The following IQSEC1 variants were observed in gnomAD, a reference collection of about 807,000 sequenced individuals.
IQSEC1 encodes the protein IQ motif and SEC7 domain-containing protein 1.
IQSEC1 carries 31 observed loss-of-function variants against 91.0 expected under a neutral mutation model. The observed-to-expected ratio is 0.34, with a 90% CI of 0.26 to 0.46. The LOEUF (loss-of-function observed/expected upper bound fraction) is 0.46, where lower values mean the gene tolerates loss of function less well. Among genes scored for constraint, IQSEC1 ranks in the 20% least tolerant of loss-of-function variants. IQSEC1 has a pLI of 1.00. For synonymous variants in IQSEC1, 699 were observed against 662.6 expected, an observed-to-expected ratio of 1.05 and a Z score of -0.84; for missense variants, 1,388 against 1,575.6, an observed-to-expected ratio of 0.88 and a Z score of 2.02.
At chr3:13,270,147 A>G (rs1032666379) in intron 1 of IQSEC1, among the ~76,000 whole-genome samples, 1 of 152,226 alleles carries the variant, frequency 6.6e-6, no homozygotes, top group Non-Finnish European at 1.5e-5. Flanking sequence ...GCTGAATACC[A>G]CTGAGTATTC....
Position 12,902,835 on chromosome 3 carries a change from T to TG in IQSEC1, c.2756-14dup, listed in dbSNP as rs748013463. The TG allele has an allele frequency of 6.8e-6, 11 of 1,608,770 alleles. No homozygotes were observed. The Admixed American group carries it at 1.7e-4, about 24-fold the overall frequency. ...CGCCCTCGCTTCCCTGCCCAGAACA[T>TG]GCAATACCAGAAGTTAGACGCGGAC... On this transcript the variant is annotated splice_polypyrimidine_tract_variant and intron_variant, in intron 12 of 13. Coordinates refer to ENST00000613206, the MANE Select transcript of IQSEC1 (RefSeq NM_001134382.3).
intron 3 of IQSEC1, among the ~76,000 whole-genome samples, chr3:12,925,122 C>T (rs552621056): frequency 6.6e-6 from 1 of 152,302 alleles, no homozygotes; most frequent in African/African-American, 2.4e-5. Flanking sequence ...GCAGCCCCTT[C>T]TCGGCTGCCG....
intron 3 of IQSEC1, among the ~76,000 whole-genome samples, chr3:12,925,963 T>A (rs1697086375): frequency 1.3e-5 from 2 of 152,122 alleles, no homozygotes; most frequent in Non-Finnish European, 2.9e-5. Context: ...GTCCTGCCCA[T>A]CTTGTGGTAG....
In IQSEC1 at chr3:12,936,016, G is replaced by T. The variant is rs1316418820; in HGVS notation, c.1000C>A (p.His334Asn). The change falls in exon 3 of 14, where the codon CAC becomes AAC. Residue 334 changes from histidine to asparagine, a missense_variant. Transcript: ENST00000613206. ...TCCGTGTCAGCCTTGTCCTCTTTGT[G>T]GGCCAGGGCCCAGTAGTCTGGGGCT... ...GAAPDYWALA[H>N]KEDKADTDTS... 1 of 1,601,198 alleles carries T rather than the reference G, an allele frequency of 6.2e-7. No individual in the cohort carries two copies. The highest frequency in any genetic ancestry group is 8.5e-7 in the Non-Finnish European group (1 of 1,179,790).
At chr3:12,915,495 A>G (rs2125125465) in intron 7 of IQSEC1, 99 bp downstream of exon 7, 2 of 1,309,640 alleles carry the variant, frequency 1.5e-6, no homozygotes, top group Non-Finnish European at 2.1e-6. Flanking sequence ...CTGCTGGAAG[A>G]GACCACACGG....
intron 1 of IQSEC1, among the ~76,000 whole-genome samples, chr3:13,000,675 C>T (rs1466693744): frequency 6.6e-6 from 1 of 152,162 alleles, no homozygotes; most frequent in Admixed American, 6.5e-5. Context: ...AGGCTGAAGC[C>T]AGGAGCCAGC....
In IQSEC1 at chr3:12,911,731, A is replaced by G. The variant is rs371857392; in HGVS notation, c.2317-3T>C. The G allele has an allele frequency of 1.2e-6, 2 of 1,601,182 alleles. No individual in the cohort carries two copies. The highest frequency in any genetic ancestry group is 1.7e-6 in the Non-Finnish European group (2 of 1,170,406). On this transcript the variant is annotated splice_region_variant and splice_polypyrimidine_tract_variant and intron_variant, in intron 9 of 13. Coordinates refer to ENST00000613206, the MANE Select transcript of IQSEC1 (RefSeq NM_001134382.3). Reference sequence around the variant, plus strand: ...TTCTTCTGGAAGATCTTGGTGACCTAGAGGCAGCCAGAGACAGAGCTGAGC... The same window carrying G: ...TTCTTCTGGAAGATCTTGGTGACCTGGAGGCAGCCAGAGACAGAGCTGAGC...
chr3:13,242,952 G>A (rs998907950), intron 1 of IQSEC1, among the ~76,000 whole-genome samples: 2 of 152,182 alleles, frequency 1.3e-5, no homozygotes. Flanking sequence ...GGGGCCCTAC[G>A]GGAAACTCTT....
intron 1 of IQSEC1, among the ~76,000 whole-genome samples, chr3:12,962,617 A>C (rs1700311476): frequency 6.6e-6 from 1 of 152,252 alleles, no homozygotes; most frequent in East Asian, 1.9e-4. Context: ...ACCATGCAGA[A>C]GCCTGTCATG....
intron 1 of IQSEC1, among the ~76,000 whole-genome samples, chr3:13,189,946 C>T (rs1693993684): frequency 6.6e-6 from 1 of 152,220 alleles, no homozygotes; most frequent in Admixed American, 6.5e-5. Context: ...CAGTTCCTTC[C>T]TCCCTGACCC....
At chr3:13,243,883 G>T (rs1695064750) in intron 1 of IQSEC1, among the ~76,000 whole-genome samples, 1 of 152,262 alleles carries the variant, frequency 6.6e-6, no homozygotes, top group Admixed American at 6.5e-5. Flanking sequence ...ACTCCTGGCA[G>T]CCCCATCAGC....
intron 1 of IQSEC1, among the ~76,000 whole-genome samples, chr3:13,221,553 G>A (rs1362923760): frequency 7.6e-5 from 10 of 131,806 alleles, no homozygotes; most frequent in African/African-American, 1.4e-4. Context: ...ACCCCAGGCC[G>A]CCTGGCCAAG....
At chr3:13,141,562 G>A (rs1242170331) in intron 2 of IQSEC1, among the ~76,000 whole-genome samples, 2 of 152,240 alleles carry the variant, frequency 1.3e-5, no homozygotes, top group Non-Finnish European at 2.9e-5. Flanking sequence ...GGGAGCTGAT[G>A]AGTGGACTGA....
At chr3:13,094,565 C>A (rs191092377) in intron 2 of IQSEC1, among the ~76,000 whole-genome samples, 1 of 152,322 alleles carries the variant, frequency 6.6e-6, no homozygotes, top group East Asian at 1.9e-4. Context: ...TGACACCCCC[C>A]ACCTGGTGCC....
At chr3:13,069,651 C>A (rs895300803) in intron 1 of IQSEC1, among the ~76,000 whole-genome samples, 1 of 152,248 alleles carries the variant, frequency 6.6e-6, no homozygotes, top group Non-Finnish European at 1.5e-5. Flanking sequence ...GAGTGCTCCA[C>A]TGGCCTGGCC....
At chr3:13,025,426 A>G (rs1447141925) in intron 1 of IQSEC1, among the ~76,000 whole-genome samples, 4 of 152,228 alleles carry the variant, frequency 2.6e-5, no homozygotes, top group Admixed American at 6.5e-5. Context: ...GGCACAGCTC[A>G]GGGACTGTGT....
At chr3:13,097,312 T>A (rs1705982197) in intron 2 of IQSEC1, among the ~76,000 whole-genome samples, 1 of 152,242 alleles carries the variant, frequency 6.6e-6, no homozygotes, top group Non-Finnish European at 1.5e-5. Flanking sequence ...AATCCAGATC[T>A]GCCTGACTCC....
At chr3:12,974,555 G>A (rs1294068275) in intron 1 of IQSEC1, among the ~76,000 whole-genome samples, 1 of 152,218 alleles carries the variant, frequency 6.6e-6, no homozygotes, top group Non-Finnish European at 1.5e-5. Flanking sequence ...TGAGTTATGG[G>A]TCTCTATTCA....
At chr3:13,097,212 A>C (rs1220092391) in intron 2 of IQSEC1, among the ~76,000 whole-genome samples, 2 of 152,090 alleles carry the variant, frequency 1.3e-5, no homozygotes, top group Non-Finnish European at 2.9e-5. Flanking sequence ...TCCAGAGGGA[A>C]GCGATCGCCC....
Sources: allele counts gnomAD v4.1 joint callset (sites outside exome capture counted in the v4.1 genomes callset), GRCh38; gene constraint gnomAD v4.1.1; transcripts MANE v1.5; gene names NCBI Gene and HGNC (gene_info 2026-07-23, HGNC 2026-07-21).